The following SORCS1 variants were observed in gnomAD, a reference collection of about 807,000 sequenced individuals.
SORCS1 encodes the protein VPS10 domain-containing receptor SorCS1.
Under a neutral mutation model 146.1 loss-of-function variants are expected in SORCS1, and 60 were observed. The ratio of observed to expected loss-of-function variants is 0.41; its 90% CI spans 0.33 to 0.51. The LOEUF (loss-of-function observed/expected upper bound fraction) is 0.51, where lower values mean the gene tolerates loss of function less well. Ranked by LOEUF, SORCS1 falls within the 20% of genes least tolerant of loss-of-function variation. The pLI is 0.21. For synonymous variants in SORCS1, 637 were observed against 584.0 expected (o/e 1.09, Z -1.31); for missense variants, 1,352 against 1,487.6 (o/e 0.91, Z 1.50).
At chr10:107,097,303 T>C (rs987982138) in intron 1 of SORCS1, among the ~76,000 whole-genome samples, 9 of 152,216 alleles carry the variant, frequency 5.9e-5, no homozygotes, top group African/African-American at 2.2e-4. Context: ...GATTTCTTTG[T>C]TGCATGCTTT....
At chr10:106,629,525 T>A in intron 18 of SORCS1, 137 bp from the exon 19 acceptor site, 1 of 760,178 alleles carries the variant, frequency 1.3e-6, no homozygotes, top group Non-Finnish European at 2.1e-6. Context: ...GCTAGGAGCA[T>A]CTGCCTGCCT....
chr10:106,847,599 AT>A (rs1477782149), intron 2 of SORCS1, among the ~76,000 whole-genome samples: 2 of 48,220 alleles, frequency 4.1e-5, no homozygotes, highest in Non-Finnish European at 9.3e-5. Context: ...TTCTGCTCTG[AT>A]TTTAGTTATT....
At chr10:106,677,246 C>A in intron 13 of SORCS1, 67 bp downstream of exon 13, 1 of 1,412,256 alleles carries the variant, frequency 7.1e-7, no homozygotes, top group Non-Finnish European at 1.0e-6. Context: ...GATAGCCTGA[C>A]TCCTAGACTG....
chr10:106,987,941 C>T (rs1289953672), intron 1 of SORCS1, among the ~76,000 whole-genome samples: 1 of 152,126 alleles, frequency 6.6e-6, no homozygotes, highest in Non-Finnish European at 1.5e-5. Context: ...GGTGAATTCC[C>T]TCAGGGCCAA....
At chr10:107,139,201 CA>C (rs1967589298) in intron 1 of SORCS1, among the ~76,000 whole-genome samples, 1 of 151,992 alleles carries the variant, frequency 6.6e-6, no homozygotes, top group Non-Finnish European at 1.5e-5. Flanking sequence ...AAAGAAATTG[CA>C]GGTAGAAAAG....
chr10:107,128,729 G>A (rs1008452742), intron 1 of SORCS1, among the ~76,000 whole-genome samples: 3 of 152,116 alleles, frequency 2.0e-5, no homozygotes, highest in African/African-American at 7.2e-5. Flanking sequence ...TCGTGGAGAT[G>A]GAGCACTTCT....
chr10:107,004,103 G>A (rs914583572), intron 1 of SORCS1, among the ~76,000 whole-genome samples: 10 of 150,384 alleles, frequency 6.6e-5, no homozygotes, highest in Non-Finnish European at 1.0e-4. Context: ...GTGAACCCGG[G>A]AGGCGGAGCT....
intron 2 of SORCS1, among the ~76,000 whole-genome samples, chr10:106,887,912 CTACG>C (rs1276378284): frequency 6.6e-6 from 1 of 152,178 alleles, no homozygotes; most frequent in African/African-American, 2.4e-5. Flanking sequence ...GATGGAGTGA[CTACG>C]TAGACAAAGC....
At chr10:107,098,771 G>A (rs1353772131) in intron 1 of SORCS1, among the ~76,000 whole-genome samples, 1 of 152,150 alleles carries the variant, frequency 6.6e-6, no homozygotes, top group African/African-American at 2.4e-5. Context: ...CTTTACACAT[G>A]CATGACTTCT....
intron 1 of SORCS1, among the ~76,000 whole-genome samples, chr10:106,972,748 A>T (rs1215467682): frequency 1.3e-5 from 2 of 152,228 alleles, no homozygotes; most frequent in African/African-American, 4.8e-5. Context: ...ATGGGAATAA[A>T]GAGAAGGGGA....
chr10:106,786,850 T>C (rs539438038), intron 3 of SORCS1, among the ~76,000 whole-genome samples: 1 of 152,324 alleles, frequency 6.6e-6, no homozygotes, highest in South Asian at 2.1e-4. Flanking sequence ...GATATAGATA[T>C]CTTGAAGTTG....
At chr10:106,852,190 G>A (rs1424897247) in intron 2 of SORCS1, among the ~76,000 whole-genome samples, 1 of 151,854 alleles carries the variant, frequency 6.6e-6, no homozygotes, top group African/African-American at 2.4e-5. Context: ...CTTGTCTTAT[G>A]GTATTAGCTA....
intron 2 of SORCS1, among the ~76,000 whole-genome samples, chr10:106,904,943 T>A (rs1484991571): frequency 6.6e-6 from 1 of 152,232 alleles, no homozygotes; most frequent in Non-Finnish European, 1.5e-5. Context: ...TAACTGCAAT[T>A]ACAGACTAAT....
At chr10:106,922,891 CTTTTTT>C (rs55880802) in intron 2 of SORCS1, among the ~76,000 whole-genome samples, 1 of 112,446 alleles carries the variant, frequency 8.9e-6, no homozygotes, top group African/African-American at 3.2e-5. Context: ...GCAGCCTTTT[CTTTTTT>C]TTTTTTTTTT....
intron 1 of SORCS1, among the ~76,000 whole-genome samples, chr10:107,012,351 C>G (rs945302590): frequency 3.3e-5 from 5 of 152,136 alleles, no homozygotes; most frequent in African/African-American, 1.2e-4. Context: ...TGGAGTTGAA[C>G]AGGCTTGAGG....
At chr10:107,062,449 C>T (rs1961313692) in intron 1 of SORCS1, among the ~76,000 whole-genome samples, 1 of 151,782 alleles carries the variant, frequency 6.6e-6, no homozygotes, top group South Asian at 2.1e-4. Context: ...TAATTATAAA[C>T]ATAATTATAA....
At chr10:107,005,759 A>C (rs956663632) in intron 1 of SORCS1, among the ~76,000 whole-genome samples, 5 of 152,344 alleles carry the variant, frequency 3.3e-5, no homozygotes, top group African/African-American at 9.6e-5. Flanking sequence ...CAATATTTTA[A>C]AATGACAAAA....
chr10:106,599,744 G>T (rs1846125008), intron 23 of SORCS1, among the ~76,000 whole-genome samples: 1 of 151,850 alleles, frequency 6.6e-6, no homozygotes. Flanking sequence ...ACCAGGTGAA[G>T]CCATATTTCT....
At position 106,575,733 on chromosome 10, in the gene SORCS1, C is replaced by T. The variant is rs1400898401; in HGVS notation, c.*1687G>A. 2.6e-5 allele frequency: 4 copies of T among 152,644 alleles called. No individual in the cohort carries two copies. Among genetic ancestry groups the T allele is most frequent in the Admixed American group, 6.5e-5 (1 of 15,278 alleles). 9.5% of individuals were successfully genotyped at this position (152,644 alleles called of 1,614,324 possible). On this transcript the variant is annotated 3_prime_UTR_variant, in exon 26 of 26. Transcript: ENST00000263054. The stretch of plus-strand genomic sequence containing the variant: ...GCACACATGAAATCACTGGGATCAT[C>T]CTAAATAATCAAACTCTCACCCTAA...
Sources: gnomAD v4.1 joint callset for allele counts (sites outside exome capture counted in the v4.1 genomes callset) on GRCh38, gnomAD v4.1.1 for gene constraint, MANE v1.5 for transcripts, NCBI Gene and HGNC (gene_info 2026-07-23, HGNC 2026-07-21) for gene names.